Variants in MAGI3 observed in about 807,000 individuals in gnomAD.
The protein encoded by MAGI3 is membrane associated guanylate kinase, WW and PDZ domain containing 3.
A neutral mutation model predicts 121.8 loss-of-function variants in MAGI3; 43 were observed. That is an observed-to-expected ratio of 0.35 (90% confidence interval 0.28 to 0.46). The LOEUF is 0.46. Ranked by LOEUF, MAGI3 falls within the 20% of genes least tolerant of loss-of-function variation. MAGI3 has a pLI of 1.00. For missense variants in MAGI3, 1,547 were observed against 1,797.3 expected, an observed-to-expected ratio of 0.86 and a Z score of 2.52; for synonymous variants, 553 against 639.3, an observed-to-expected ratio of 0.86 and a Z score of 2.04.
At position 113,457,226 on chromosome 1, in the gene MAGI3, C is replaced by A. The variant is rs1654804166; in HGVS notation, c.316+65877C>A. ...TTTCTTTTTTTCAGTGGAATTAAAC[C>A]AACATGATTGTTGAAAGAGATCAAA... is the stretch of plus-strand genomic sequence containing the variant. On this transcript the variant is annotated intron_variant, in intron 1 of 20. Transcript: ENST00000307546. Among the ~76,000 whole-genome samples the A allele has an allele frequency of 1.3e-5, 2 of 152,096 alleles. 1 individual carries two copies. Among genetic ancestry groups the A allele is most frequent in the Admixed American group, 1.3e-4 (2 of 15,278 alleles).
chr1:113,431,411 G>A (rs904705371), intron 1 of MAGI3, among the ~76,000 whole-genome samples: 1 of 152,060 alleles, frequency 6.6e-6, no homozygotes, highest in Non-Finnish European at 1.5e-5. Flanking sequence ...TAATGACACA[G>A]GGCAGAGAGA....
chr1:113,641,252 GAGGTGATC>G (rs1652518879), intron 9 of MAGI3, among the ~76,000 whole-genome samples: 1 of 148,862 alleles, frequency 6.7e-6, no homozygotes, highest in Admixed American at 6.8e-5. Context: ...AATGCAGGCT[GAGGTGATC>G]AGGTAATCAC....
intron 2 of MAGI3, among the ~76,000 whole-genome samples, chr1:113,573,545 C>T (rs1324107714): frequency 6.6e-6 from 1 of 152,144 alleles, no homozygotes; most frequent in Non-Finnish European, 1.5e-5. Context: ...TTTGATTGCA[C>T]TGTGGTCCGA....
At chr1:113,629,757 T>C (rs796169801) in intron 9 of MAGI3, among the ~76,000 whole-genome samples, 96 of 95,610 alleles carry the variant, frequency 1.0e-3, no homozygotes, top group Middle Eastern at 5.9e-3. Context: ...TCTCTCTCTC[T>C]CTCTCCCTCC....
At chr1:113,556,231 T>A (rs1196492040) in intron 2 of MAGI3, among the ~76,000 whole-genome samples, 1 of 146,278 alleles carries the variant, frequency 6.8e-6, no homozygotes, top group African/African-American at 2.4e-5. Context: ...TAGAAACCAG[T>A]GCAATAGAAA....
At chr1:113,590,166 T>C (rs747107700) in intron 4 of MAGI3, among the ~76,000 whole-genome samples, 1 of 152,090 alleles carries the variant, frequency 6.6e-6, no homozygotes, top group Non-Finnish European at 1.5e-5. Flanking sequence ...AAATAGAGCC[T>C]GACACATAAA....
chr1:113,567,943 A>G (rs978648461), intron 2 of MAGI3, among the ~76,000 whole-genome samples: 80 of 152,112 alleles, frequency 5.3e-4, no homozygotes, highest in Non-Finnish European at 1.6e-4. Flanking sequence ...AACATCTTAA[A>G]TGTAAAAAGA....
Position 113,676,982 on chromosome 1 carries a change from T to G in MAGI3, c.3189+3517T>G, listed in dbSNP as rs996841314. 2.0e-5 allele frequency among the ~76,000 whole-genome samples: 3 copies of G among 152,200 alleles called. No homozygotes were observed. The East Asian group carries it at 5.8e-4, about 29-fold the overall frequency. ...TATTTTTAAGATCAGTTCCCAGGAC[T>G]TATTACTGGGTGAACAGGACTGGGG... On this transcript the variant is annotated intron_variant, in intron 19 of 20. Transcript: ENST00000307546.
At chr1:113,594,759 T>A (rs1210184170) in intron 6 of MAGI3, among the ~76,000 whole-genome samples, 199 bp downstream of exon 6, 1 of 152,226 alleles carries the variant, frequency 6.6e-6, no homozygotes, top group African/African-American at 2.4e-5. Flanking sequence ...CATTTCTTTT[T>A]CAGGATTACA....
In MAGI3 at chr1:113,620,499, C is replaced by T. The variant is rs570569703; in HGVS notation, c.1171+669C>T. Among the ~76,000 whole-genome samples the T allele has an allele frequency of 2.6e-4, 40 of 152,284 alleles. 1 individual carries two copies. The highest frequency in any genetic ancestry group is 2.3e-3 in the Admixed American group (35 of 15,304). ...TAGTAATCCAGTAGATTCTCCACTT[C>T]GGTTGCCTATGAGAGAAATAGTTCT... is the stretch of plus-strand genomic sequence containing the variant. On this transcript the variant is annotated intron_variant, in intron 8 of 20. Transcript: ENST00000307546.
intron 19 of MAGI3, among the ~76,000 whole-genome samples, chr1:113,675,040 C>T (rs962093853): frequency 6.6e-6 from 1 of 152,044 alleles, no homozygotes; most frequent in African/African-American, 2.4e-5. Flanking sequence ...TTAGAAAATG[C>T]GTAGATGAAT....
At chr1:113,553,977 C>G (rs1659885866) in intron 2 of MAGI3, among the ~76,000 whole-genome samples, 1 of 152,166 alleles carries the variant, frequency 6.6e-6, no homozygotes, top group African/African-American at 2.4e-5. Context: ...CCACTGCACT[C>G]CAGCCTGGTG....
chr1:113,641,270 C>A (rs1183521827), intron 9 of MAGI3, among the ~76,000 whole-genome samples: 1 of 148,692 alleles, frequency 6.7e-6, no homozygotes, highest in Non-Finnish European at 1.5e-5. Flanking sequence ...CAGGTAATCA[C>A]CTGGAGAATG....
chr1:113,580,593 T>C lies in MAGI3; in HGVS notation c.485T>C (p.Phe162Ser). Residue 162 changes from phenylalanine (F) to serine (S), a missense_variant, in exon 3 of 21, where the codon TTC (phenylalanine) becomes TCC (serine). By Grantham distance (155) the Phe-to-Ser change is radical. Transcript: ENST00000307546. ...GAAGTACCAGGAGTGGATTATAATT[T>C]CATTTCCGTTGAACAGTTCAAAGCA... ...DGEVPGVDYN[F>S]ISVEQFKALE... The C allele has an allele frequency of 6.2e-7, 1 of 1,612,416 alleles. No individual in the cohort carries two copies. The highest frequency in any genetic ancestry group is 8.5e-7 in the Non-Finnish European group (1 of 1,178,860).
At chr1:113,557,530 C>T (rs1017907736) in intron 2 of MAGI3, among the ~76,000 whole-genome samples, 2 of 152,304 alleles carry the variant, frequency 1.3e-5, no homozygotes, top group Non-Finnish European at 2.9e-5. Flanking sequence ...CCAGGGCCTC[C>T]AGCCACCACC....
intron 1 of MAGI3, among the ~76,000 whole-genome samples, chr1:113,455,205 A>G (rs925118785): frequency 3.3e-5 from 5 of 152,154 alleles, no homozygotes; most frequent in Non-Finnish European, 7.4e-5. Context: ...AGCAAATCTA[A>G]TTGGAAAAGA....
At chr1:113,533,202 G>GA (rs1570812064) in intron 1 of MAGI3, among the ~76,000 whole-genome samples, 1 of 151,882 alleles carries the variant, frequency 6.6e-6, no homozygotes, top group South Asian at 2.1e-4. Context: ...TCTCTCTGAA[G>GA]AAAAAAATAA....
intron 13 of MAGI3, 68 bp downstream of exon 13, chr1:113,649,396 T>C (rs1172386092): frequency 8.0e-6 from 9 of 1,121,286 alleles, no homozygotes; most frequent in Non-Finnish European, 1.0e-5. Context: ...TTTGGTGGAT[T>C]ATGGTGTGTT....
chr1:113,626,125 C>G (rs1401564250), intron 9 of MAGI3, among the ~76,000 whole-genome samples: 2 of 152,138 alleles, frequency 1.3e-5, no homozygotes, highest in African/African-American at 4.8e-5. Flanking sequence ...ACCAGCACGC[C>G]TGGCTAATTT....
Sources: allele counts gnomAD v4.1 joint callset (sites outside exome capture counted in the v4.1 genomes callset), GRCh38; gene constraint gnomAD v4.1.1; transcripts MANE v1.5; gene names NCBI Gene and HGNC (gene_info 2026-07-23, HGNC 2026-07-21).